Variants in MCPH1 observed in about 807,000 individuals in gnomAD.
The protein encoded by MCPH1 is microcephalin.
In MCPH1, 104 loss-of-function variants were observed where a neutral mutation model predicts 84.5. That is an observed-to-expected ratio of 1.23 (90% CI 1.05 to 1.45). The LOEUF is 1.45. MCPH1 is among the 40% of genes most tolerant of loss of function. The pLI is 0.00. For missense variants in MCPH1, 1,498 were observed against 1,005.7 expected (o/e 1.49, Z -6.62); for synonymous variants, 514 against 366.8 (o/e 1.40, Z -4.58).
intron 9 of MCPH1, among the ~76,000 whole-genome samples, chr8:6,462,996 T>A (rs966664182): frequency 6.6e-6 from 1 of 152,156 alleles, no homozygotes; most frequent in African/African-American, 2.4e-5. Flanking sequence ...AAAATGACCC[T>A]CAAAACTCTG....
chr8:6,513,917 C>T (rs1815708699), intron 12 of MCPH1: 3 of 1,361,320 alleles, frequency 2.2e-6, no homozygotes, highest in South Asian at 1.4e-5. Context: ...GATAGTCCGT[C>T]AACTTAACAT....
chr8:6,598,208 G>C (rs1829075239), intron 12 of MCPH1, among the ~76,000 whole-genome samples: 2 of 152,202 alleles, frequency 1.3e-5, no homozygotes, highest in African/African-American at 4.8e-5. Context: ...CCGTGTACCT[G>C]GGAAATACGT....
At position 6,554,367 on chromosome 8, in the gene MCPH1, C is replaced by T. The variant is rs117606778; in HGVS notation, c.2214+54438C>T. ...CCTTTTAAGACTTTGTTCACGTTCT[C>T]GCCCCCAAAAGCCAATTATGATTAT... is the stretch of plus-strand genomic sequence containing the variant. On this transcript the variant is annotated intron_variant, in intron 12 of 13. Transcript: ENST00000344683. Among the ~76,000 whole-genome samples, 1,030 of 151,900 alleles carry T rather than the reference C, an allele frequency of 6.8e-3. 10 individuals carry two copies. The highest frequency in any genetic ancestry group is 0.01 in the South Asian group (50 of 4,802).
chr8:6,483,929 A>G (rs923086323), intron 11 of MCPH1, among the ~76,000 whole-genome samples: 8 of 152,228 alleles, frequency 5.3e-5, no homozygotes, highest in Admixed American at 5.2e-4. Context: ...TACACGAGCC[A>G]CAAAAATTAC....
rs373464735 is a variant in MCPH1 at position 6,439,024 on chromosome 8, A to G, written c.508A>G (p.Ser170Gly). ...ATATACTCCCACAATTGAAATTAAT[A>G]GTAGGCACCACAGCGCAATGGAGAA... ...LIYTPTIEIN[S>G]RHHSAMEKRL... Residue 170 changes from serine to glycine, a missense_variant, in exon 6 of 14, where the codon AGT becomes GGT. Transcript: ENST00000344683. 7 of 1,611,886 alleles carry G rather than the reference A, an allele frequency of 4.3e-6. No homozygotes were observed. The highest frequency in any genetic ancestry group is 1.7e-5 in the Admixed American group (1 of 60,012).
chr8:6,407,768 G>A (rs1027111737), intron 1 of MCPH1, among the ~76,000 whole-genome samples: 1 of 152,134 alleles, frequency 6.6e-6, no homozygotes. Context: ...TTGAGAAGAG[G>A]ATATCCACTA....
chr8:6,501,818 T>G (rs978410709), intron 12 of MCPH1: 4 of 152,066 alleles, frequency 2.6e-5, no homozygotes, highest in African/African-American at 9.7e-5. Context: ...TGCCTACCAA[T>G]GTACTGGGAT....
At chr8:6,504,793 C>G (rs1176443786) in intron 12 of MCPH1, among the ~76,000 whole-genome samples, 1 of 152,054 alleles carries the variant, frequency 6.6e-6, no homozygotes, top group African/African-American at 2.4e-5. Flanking sequence ...GACTAGTTTA[C>G]AAACTAAACT....
chr8:6,640,376 T>C (rs1362822769), intron 13 of MCPH1, among the ~76,000 whole-genome samples: 1 of 152,152 alleles, frequency 6.6e-6, no homozygotes, highest in Non-Finnish European at 1.5e-5. Context: ...GTACTGGACA[T>C]AACCCATATT....
At position 6,643,168 on chromosome 8, in the gene MCPH1, T is replaced by C; in HGVS notation, c.*119T>C. 2 of 863,400 alleles carry C rather than the reference T, an allele frequency of 2.3e-6. No individual in the cohort carries two copies. The highest frequency in any genetic ancestry group is 2.8e-5 in the South Asian group (2 of 70,676). 53.5% of individuals were successfully genotyped at this position (863,400 alleles called of 1,614,324 possible). A position where few individuals can be genotyped will look rare whatever the true frequency, so the allele number is the denominator to read the frequency against. On this transcript the variant is annotated 3_prime_UTR_variant, in exon 14 of 14. Transcript: ENST00000344683. The stretch of plus-strand genomic sequence containing the variant: ...GGCGTATACAAGATGACTTCTGATA[T>C]CATGTTTGCCATGTGTTGTGGTTCT...
chr8:6,423,771 T>C (rs2922837), intron 3 of MCPH1, among the ~76,000 whole-genome samples: 2,876 of 152,338 alleles, frequency 0.019, 89 homozygotes, highest in African/African-American at 0.061. Flanking sequence ...TGCCAAATTA[T>C]CTTCTGGAAG....
chr8:6,513,657 A>G (rs377559697), intron 12 of MCPH1: 42 of 1,588,028 alleles, frequency 2.6e-5, no homozygotes, highest in Non-Finnish European at 3.4e-5. Flanking sequence ...TTTTTCTTTC[A>G]ATTACCATGA....
chr8:6,495,529 C>G (rs1345381250), intron 11 of MCPH1, among the ~76,000 whole-genome samples: 1 of 152,228 alleles, frequency 6.6e-6, no homozygotes, highest in African/African-American at 2.4e-5. Flanking sequence ...GCCCTAACTA[C>G]TAAGACAAAG....
At chr8:6,489,075 T>C (rs1455626936) in intron 11 of MCPH1, among the ~76,000 whole-genome samples, 1 of 152,112 alleles carries the variant, frequency 6.6e-6, no homozygotes, top group African/African-American at 2.4e-5. Flanking sequence ...CAGAAGATTG[T>C]GTGCAAGGTT....
chr8:6,582,943 C>T (rs1229980756), intron 12 of MCPH1, among the ~76,000 whole-genome samples: 6 of 152,176 alleles, frequency 3.9e-5, no homozygotes, highest in Admixed American at 2.0e-4. Context: ...CTCTGGGCCA[C>T]GATGACTGGG....
rs142073531 is a variant in MCPH1 at position 6,560,512 on chromosome 8, C to G, written c.2214+60583C>G. Among the ~76,000 whole-genome samples the G allele has an allele frequency of 6.8e-3, 1,039 of 152,268 alleles. 10 individuals carry two copies. Among genetic ancestry groups the G allele is most frequent in the South Asian group, 0.011 (53 of 4,818 alleles). On this transcript the variant is annotated intron_variant, in intron 12 of 13. Transcript: ENST00000344683. ...TTGTTTTCATTCCCAAGCCAGAAGC[C>G]GTAAACCGAGCGAGAGTGCAAATTG...
chr8:6,466,228 C>T (rs9773930), intron 9 of MCPH1, among the ~76,000 whole-genome samples: 12,379 of 150,764 alleles, frequency 0.082, 822 homozygotes, highest in East Asian at 0.27. Context: ...CCTCCGCTTC[C>T]CAGGTTCAAG....
intron 12 of MCPH1, among the ~76,000 whole-genome samples, chr8:6,619,393 C>T (rs571622218): frequency 5.2e-4 from 79 of 152,278 alleles, no homozygotes; most frequent in Non-Finnish European, 9.1e-4. Context: ...CAGATTCAAG[C>T]GATTCTCCTG....
chr8:6,583,046 G>C (rs951048048), intron 12 of MCPH1, among the ~76,000 whole-genome samples: 2 of 152,074 alleles, frequency 1.3e-5, no homozygotes, highest in African/African-American at 2.4e-5. Context: ...GTTACATGTG[G>C]TCCTGTTCTA....
Sources: gnomAD v4.1 joint callset for allele counts (sites outside exome capture counted in the v4.1 genomes callset) on GRCh38, gnomAD v4.1.1 for gene constraint, MANE v1.5 for transcripts, NCBI Gene and HGNC (gene_info 2026-07-23, HGNC 2026-07-21) for gene names.